Variants in CAMK2B observed in about 807,000 individuals in gnomAD.
The protein encoded by CAMK2B is calcium/calmodulin dependent protein kinase II beta.
In CAMK2B, 27 loss-of-function variants were observed where a neutral mutation model predicts 93.7. The observed-to-expected ratio is 0.29, with a 90% confidence interval of 0.21 to 0.40. The LOEUF (loss-of-function observed/expected upper bound fraction) is 0.40, where lower values mean the gene tolerates loss of function less well. CAMK2B is among the 10% of genes least tolerant of loss of function. The pLI is 1.00. For missense variants in CAMK2B, 568 were observed against 895.8 expected (o/e 0.63, Z 4.67); for synonymous variants, 374 against 358.8 (o/e 1.04, Z -0.48).
chr7:44,237,991 C>T (rs564732901), intron 13 of CAMK2B, among the ~76,000 whole-genome samples: 38 of 152,308 alleles, frequency 2.5e-4, no homozygotes, highest in Non-Finnish European at 4.4e-4. Context: ...ACTCGACAGA[C>T]GGGGTCTCTC....
intron 2 of CAMK2B, among the ~76,000 whole-genome samples, chr7:44,277,114 TC>T (rs1293921858): frequency 4.0e-5 from 6 of 150,290 alleles, no homozygotes; most frequent in African/African-American, 1.5e-4. Flanking sequence ...AACAAAACTG[TC>T]CCCAAAAGAA....
At chr7:44,268,667 C>G (rs181681640) in intron 2 of CAMK2B, 1 of 152,428 alleles carries the variant, frequency 6.6e-6, no homozygotes, top group Admixed American at 6.5e-5. Context: ...ACAGGACCCC[C>G]GAAGCCTTGG....
At chr7:44,318,594 T>C (rs943811105) in intron 1 of CAMK2B, among the ~76,000 whole-genome samples, 3 of 152,228 alleles carry the variant, frequency 2.0e-5, no homozygotes, top group African/African-American at 4.8e-5. Context: ...CAGAGGGCAT[T>C]ACAGCAAAAG....
In CAMK2B at chr7:44,284,202, C is replaced by A; in HGVS notation, c.89G>T (p.Arg30Leu). The change falls in exon 2 of 24, where the codon CGC becomes CTC. Residue 30 changes from arginine to leucine, a missense_variant. Arg to Leu is a moderately radical substitution (Grantham distance 102). Coordinates refer to ENST00000395749, the MANE Select transcript of CAMK2B (RefSeq NM_001220.5). The stretch of plus-strand genomic sequence containing the variant: ...ATGGCCGGTGCAGAGCTTGACACAG[C>A]GTCGGACCACAGAGAAAGCCCCCCT... The part of the protein sequence containing the change: ...IGKGAFSVVR[R>L]CVKLCTGHEY... 1 of 1,613,296 alleles carries A rather than the reference C, an allele frequency of 6.2e-7. No individual in the cohort carries two copies.
intron 5 of CAMK2B, among the ~76,000 whole-genome samples, chr7:44,250,009 C>T (rs981972314): frequency 3.3e-5 from 5 of 152,220 alleles, no homozygotes; most frequent in East Asian, 1.9e-4. Flanking sequence ...GGACTTGGCA[C>T]GTGTTGCTGA....
intron 13 of CAMK2B, among the ~76,000 whole-genome samples, chr7:44,238,785 CG>C (rs895792850): frequency 5.9e-5 from 9 of 152,284 alleles, no homozygotes; most frequent in African/African-American, 2.2e-4. Context: ...TGTGGCCAGG[CG>C]TTGTCAGCTT....
chr7:44,238,469 C>G (rs187949086), intron 13 of CAMK2B, among the ~76,000 whole-genome samples: 29 of 152,318 alleles, frequency 1.9e-4, no homozygotes, highest in Non-Finnish European at 3.2e-4. Context: ...TCTGGAAAGG[C>G]CTGTCAAATG....
chr7:44,314,885 A>C (rs1174897375), intron 1 of CAMK2B, among the ~76,000 whole-genome samples: 1 of 152,226 alleles, frequency 6.6e-6, no homozygotes, highest in Non-Finnish European at 1.5e-5. Context: ...CCTATTTTAG[A>C]GAAATGTCTA....
intron 2 of CAMK2B, among the ~76,000 whole-genome samples, chr7:44,263,739 C>A (rs2096900398): frequency 6.6e-6 from 1 of 152,198 alleles, no homozygotes; most frequent in African/African-American, 2.4e-5. Context: ...CAAATAGAGG[C>A]AGGAGGCTTT....
At chr7:44,226,021 G>GC in intron 20 of CAMK2B, 4 of 850,150 alleles carry the variant, frequency 4.7e-6, no homozygotes, top group Non-Finnish European at 6.4e-6. Flanking sequence ...GGCCCCAGCT[G>GC]CCCCCCAGAT....
Position 44,225,995 on chromosome 7 carries a change from C to A in CAMK2B, c.1597+521G>T. On this transcript the variant is annotated intron_variant, in intron 20 of 23. Transcript: ENST00000395749. This position sits in a 1 kb window ranked among gnomAD's most constrained non-coding sequence, Gnocchi z 5.0. ...CCCAGCCTGTGCTTCCTGTCCCGCC[C>A]GCTCTGTTTCAGCCTGGCCCCAGCT... The A allele has an allele frequency of 1.8e-6, 2 of 1,113,466 alleles. No individual in the cohort carries two copies. The highest frequency in any genetic ancestry group is 2.3e-6 in the Non-Finnish European group (2 of 852,044). 69.0% of individuals were successfully genotyped at this position (1,113,466 alleles called of 1,614,324 possible).
At position 44,266,572 on chromosome 7, in the gene CAMK2B, T is replaced by C. The variant is rs191471641; in HGVS notation, c.161-3508A>G. ...TCCCTGCCAGCCTCATTCTGGGGGG[T>C]TCTGGTCCCCAGGGAACCTGCTGAA... On this transcript the variant is annotated intron_variant, in intron 2 of 23. Transcript: ENST00000395749. Among the ~76,000 whole-genome samples, 27 of 151,856 alleles carry C rather than the reference T, an allele frequency of 1.8e-4. No homozygotes were observed. The East Asian group carries it at 5.1e-3, about 28-fold the overall frequency.
At chr7:44,300,919 A>T (rs1789815154) in intron 1 of CAMK2B, among the ~76,000 whole-genome samples, 1 of 152,248 alleles carries the variant, frequency 6.6e-6, no homozygotes, top group South Asian at 2.1e-4. Flanking sequence ...TACAGTAATC[A>T]TATAAAGTAC....
At chr7:44,287,770 A>T (rs143087700) in intron 1 of CAMK2B, among the ~76,000 whole-genome samples, 3 of 152,294 alleles carry the variant, frequency 2.0e-5, no homozygotes, top group East Asian at 3.9e-4. Context: ...GTCCTTCAAG[A>T]TCCAATGCAA....
At chr7:44,223,147 C>CAT (rs1413931622) in intron 20 of CAMK2B, among the ~76,000 whole-genome samples, 1 of 152,204 alleles carries the variant, frequency 6.6e-6, no homozygotes, top group Non-Finnish European at 1.5e-5. Flanking sequence ...AGCACCTGTG[C>CAT]ATGTGTGTGT....
chr7:44,316,827 A>AT (rs1295210223), intron 1 of CAMK2B, among the ~76,000 whole-genome samples: 2 of 151,900 alleles, frequency 1.3e-5, no homozygotes, highest in African/African-American at 2.4e-5. Context: ...TTTCCTTATA[A>AT]TTTTTTTTCT....
chr7:44,324,079 C>T lies in CAMK2B; in HGVS notation c.65+1278G>A, dbSNP rs567779315. 2.0e-5 allele frequency: 3 copies of T among 152,834 alleles called. No homozygotes were observed. The South Asian group carries it at 6.2e-4, about 32-fold the overall frequency. 9.5% of individuals were successfully genotyped at this position (152,834 alleles called of 1,614,324 possible). A position where few individuals can be genotyped will look rare whatever the true frequency, so the allele number is the denominator to read the frequency against. ...TGGGCTCCACATCCCTAACCCCTAC[C>T]AGAATTCTCTCCACACGTGCAGGGA... On this transcript the variant is annotated intron_variant, in intron 1 of 23. Coordinates refer to ENST00000395749, the MANE Select transcript of CAMK2B (RefSeq NM_001220.5).
Position 44,221,162 on chromosome 7 carries a change from G to T in CAMK2B, c.1598-261C>A, listed in dbSNP as rs542586139. Among the ~76,000 whole-genome samples, 4 of 152,332 alleles carry T rather than the reference G, an allele frequency of 2.6e-5. No homozygotes were observed. In the South Asian group the frequency reaches 8.3e-4, roughly 32 times the overall value. Reference sequence around the variant, plus strand: ...AAATATTCTATCCACATTACAAAATGCCTGGAAAATGCAGAAAGAGGACAA... The same window carrying T: ...AAATATTCTATCCACATTACAAAATTCCTGGAAAATGCAGAAAGAGGACAA... On this transcript the variant is annotated intron_variant, in intron 20 of 23. Transcript: ENST00000395749.
chr7:44,226,312 C>T (rs1484422659), intron 20 of CAMK2B, among the ~76,000 whole-genome samples: 1 of 152,216 alleles, frequency 6.6e-6, no homozygotes, highest in East Asian at 1.9e-4. Context: ...ATATGTCATA[C>T]ACACTTCATA....
Sources: gnomAD v4.1 joint callset for allele counts (sites outside exome capture counted in the v4.1 genomes callset) on GRCh38, gnomAD v4.1.1 for gene constraint, Gnocchi (gnomAD v3.1) non-coding constraint, MANE v1.5 for transcripts, NCBI Gene and HGNC (gene_info 2026-07-23, HGNC 2026-07-21) for gene names.